The following NRCAM variants were observed in gnomAD, a reference collection of about 807,000 sequenced individuals.
NRCAM encodes the protein NgCAM-related cell adhesion molecule.
NRCAM carries 83 observed loss-of-function variants against 156.5 expected under a neutral mutation model. That is an observed-to-expected ratio of 0.53 (90% CI 0.44 to 0.64). The LOEUF (loss-of-function observed/expected upper bound fraction) is 0.64. Ranked by LOEUF, NRCAM falls within the 30% of genes least tolerant of loss-of-function variation. NRCAM has a pLI of 0.00. For missense variants in NRCAM, 1,417 were observed against 1,597.3 expected, an observed-to-expected ratio of 0.89 and a Z score of 1.92; for synonymous variants, 538 against 563.9, an observed-to-expected ratio of 0.95 and a Z score of 0.65.
intron 2 of NRCAM, among the ~76,000 whole-genome samples, chr7:108,372,002 A>T (rs186168065): frequency 4.6e-4 from 70 of 152,302 alleles, no homozygotes; most frequent in African/African-American, 1.6e-3. Flanking sequence ...ACAGCATGGT[A>T]CTGGCATAAA....
At chr7:108,281,236 A>G (rs1017730712) in intron 3 of NRCAM, among the ~76,000 whole-genome samples, 7 of 152,316 alleles carry the variant, frequency 4.6e-5, no homozygotes, top group African/African-American at 1.7e-4. Flanking sequence ...GTTTACATAT[A>G]TAACATGAAC....
intron 3 of NRCAM, among the ~76,000 whole-genome samples, chr7:108,270,603 A>G (rs1363818329): frequency 6.6e-6 from 1 of 152,202 alleles, no homozygotes; most frequent in Non-Finnish European, 1.5e-5. Context: ...TAGCAACGAC[A>G]TTATTCACAA....
At chr7:108,249,512 A>AT (rs1157155789) in intron 3 of NRCAM, among the ~76,000 whole-genome samples, 2 of 152,226 alleles carry the variant, frequency 1.3e-5, no homozygotes, top group Non-Finnish European at 2.9e-5. Context: ...ATCTGCCTTT[A>AT]TAAAAAAAAA....
chr7:108,396,798 T>C (rs1323860842), intron 2 of NRCAM, among the ~76,000 whole-genome samples: 2 of 152,228 alleles, frequency 1.3e-5, no homozygotes, highest in African/African-American at 4.8e-5. Context: ...TTAAAGTCAC[T>C]GATGTCTTTT....
chr7:108,192,131 G>C (rs2072189257), intron 17 of NRCAM, among the ~76,000 whole-genome samples: 1 of 152,170 alleles, frequency 6.6e-6, no homozygotes, highest in African/African-American at 2.4e-5. Context: ...CCAAGAACTG[G>C]GTACTGTCCT....
intron 27 of NRCAM, among the ~76,000 whole-genome samples, chr7:108,175,877 T>G (rs1423464174): frequency 1.3e-5 from 2 of 152,178 alleles, no homozygotes; most frequent in Non-Finnish European, 2.9e-5. Context: ...TTTGCTTTCT[T>G]TGTACATACC....
intron 1 of NRCAM, among the ~76,000 whole-genome samples, chr7:108,432,646 T>C (rs955122131): frequency 2.0e-4 from 30 of 152,240 alleles, no homozygotes; most frequent in African/African-American, 6.8e-4. Context: ...CTCTCGCCTG[T>C]AATCCCAGCA....
At chr7:108,321,344 A>G (rs2098998613) in intron 2 of NRCAM, among the ~76,000 whole-genome samples, 1 of 152,218 alleles carries the variant, frequency 6.6e-6, no homozygotes, top group Non-Finnish European at 1.5e-5. Flanking sequence ...TGTAGGCTGT[A>G]CAGGAAGCTT....
intron 3 of NRCAM, among the ~76,000 whole-genome samples, chr7:108,278,834 G>A (rs918196513): frequency 3.9e-5 from 6 of 152,194 alleles, no homozygotes; most frequent in African/African-American, 9.7e-5. Flanking sequence ...AGAAATCATC[G>A]TCTTCTGTGT....
chr7:108,192,491 T>G (rs1454001668), intron 17 of NRCAM, among the ~76,000 whole-genome samples: 1 of 152,138 alleles, frequency 6.6e-6, no homozygotes, highest in Non-Finnish European at 1.5e-5. Flanking sequence ...GCCCCCACCC[T>G]GTCCGTGGAA....
chr7:108,302,355 G>A (rs17155397), intron 3 of NRCAM, among the ~76,000 whole-genome samples: 11,984 of 152,090 alleles, frequency 0.079, 485 homozygotes, highest in East Asian at 0.11. Context: ...TTCTCTTGGA[G>A]ATGACTGATG....
intron 2 of NRCAM, among the ~76,000 whole-genome samples, chr7:108,332,703 A>G (rs1157436029): frequency 2.6e-5 from 4 of 152,252 alleles, no homozygotes; most frequent in African/African-American, 7.2e-5. Flanking sequence ...CACTTTATAT[A>G]GCGCCTCTTT....
chr7:108,407,353 T>C (rs1037780413), intron 1 of NRCAM, among the ~76,000 whole-genome samples: 1 of 152,202 alleles, frequency 6.6e-6, no homozygotes, highest in African/African-American at 2.4e-5. Context: ...ACTGGCTGAC[T>C]TTTTATATGA....
intron 23 of NRCAM, 143 bp from the exon 24 acceptor site, chr7:108,182,080 G>A (rs1043689268): frequency 1.6e-5 from 9 of 571,262 alleles, no homozygotes; most frequent in African/African-American, 9.9e-5. Flanking sequence ...CAGATTTTGG[G>A]GTATCTGTTT....
intron 31 of NRCAM, among the ~76,000 whole-genome samples, chr7:108,160,014 G>A (rs1451416406): frequency 6.6e-6 from 1 of 152,054 alleles, no homozygotes. Flanking sequence ...CTTAGTTCAT[G>A]CATTACTTCC....
At chr7:108,373,611 G>T (rs950561910) in intron 2 of NRCAM, among the ~76,000 whole-genome samples, 1 of 152,182 alleles carries the variant, frequency 6.6e-6, no homozygotes, top group African/African-American at 2.4e-5. Context: ...TAGCACACTG[G>T]TGCCCTACCA....
intron 20 of NRCAM, among the ~76,000 whole-genome samples, chr7:108,187,739 C>T (rs966478456): frequency 6.6e-6 from 1 of 151,798 alleles, no homozygotes. Flanking sequence ...ATCACGAGGT[C>T]GGGAGATTGA....
intron 13 of NRCAM, among the ~76,000 whole-genome samples, chr7:108,204,952 A>T (rs2080312001): frequency 6.6e-6 from 1 of 152,186 alleles, no homozygotes; most frequent in South Asian, 2.1e-4. Flanking sequence ...CAAAAATGTA[A>T]TTTAAAAGGG....
chr7:108,379,825 C>A (rs1471450916), intron 2 of NRCAM, among the ~76,000 whole-genome samples: 27 of 151,684 alleles, frequency 1.8e-4, no homozygotes, highest in Admixed American at 1.8e-3. Context: ...GAATAAGTTG[C>A]CCATATTACA....
Sources: gnomAD v4.1 joint callset for allele counts (sites outside exome capture counted in the v4.1 genomes callset) on GRCh38, gnomAD v4.1.1 for gene constraint, MANE v1.5 for transcripts, NCBI Gene and HGNC (gene_info 2026-07-23, HGNC 2026-07-21) for gene names.